NEDD1: variants seen among roughly 807,000 people sequenced by gnomAD.
The protein encoded by NEDD1 is protein NEDD1.
NEDD1 carries 33 observed loss-of-function variants against 74.0 expected under a neutral mutation model. The ratio of observed to expected loss-of-function variants is 0.45; its 90% CI spans 0.34 to 0.60. The LOEUF is 0.60. NEDD1 is among the 20% of genes least tolerant of loss of function. The pLI is 0.01. For synonymous variants in NEDD1, 250 were observed against 264.4 expected (o/e 0.95, Z 0.53); for missense variants, 746 against 776.5 (o/e 0.96, Z 0.47).
chr12:96,930,774 C>G (rs1344785046), intron 6 of NEDD1, among the ~76,000 whole-genome samples: 2 of 152,034 alleles, frequency 1.3e-5, no homozygotes, highest in African/African-American at 4.8e-5. Flanking sequence ...GAGTGTGGGA[C>G]TTTTTAAAGA....
At chr12:96,941,249 A>T (rs1877634615) in intron 10 of NEDD1, among the ~76,000 whole-genome samples, 1 of 152,100 alleles carries the variant, frequency 6.6e-6, no homozygotes, top group Non-Finnish European at 1.5e-5. Flanking sequence ...TGTATTTATT[A>T]TTATAAGTGT....
chr12:96,917,489 A>G (rs920071848), intron 4 of NEDD1, 132 bp from the exon 5 acceptor site: 1 of 1,059,130 alleles, frequency 9.4e-7, no homozygotes, highest in South Asian at 3.6e-5. Context: ...GCTCTTTAGT[A>G]CAAGATTAGC....
intron 6 of NEDD1, among the ~76,000 whole-genome samples, chr12:96,925,998 T>G (rs1288169319): frequency 6.6e-6 from 1 of 152,172 alleles, no homozygotes; most frequent in Non-Finnish European, 1.5e-5. Flanking sequence ...CTTTTCCTTA[T>G]CTTTCAAGTG....
chr12:96,927,902 A>G (rs1250339726), intron 6 of NEDD1, among the ~76,000 whole-genome samples: 1 of 152,108 alleles, frequency 6.6e-6, no homozygotes, highest in Non-Finnish European at 1.5e-5. Flanking sequence ...TTTATGTTAT[A>G]TAGGAGCATT....
At chr12:96,944,901 CAA>C (rs1878047095) in intron 13 of NEDD1, 106 bp downstream of exon 13, 1 of 846,492 alleles carries the variant, frequency 1.2e-6, no homozygotes, top group Non-Finnish European at 1.8e-6. Context: ...TAAAAATGTT[CAA>C]AGAGTTTAAA....
intron 12 of NEDD1, among the ~76,000 whole-genome samples, chr12:96,944,177 G>T (rs979483997): frequency 2.0e-5 from 3 of 151,874 alleles, no homozygotes; most frequent in Non-Finnish European, 4.4e-5. Context: ...TTATGTAAGG[G>T]TTCAAAATGA....
At position 96,912,750 on chromosome 12, in the gene NEDD1, G is replaced by T; in HGVS notation, c.164G>T (p.Ser55Ile). Residue 55 changes from serine to isoleucine, a missense_variant, in exon 4 of 16, where the codon AGT becomes ATT. Coordinates refer to ENST00000266742, the MANE Select transcript of NEDD1 (RefSeq NM_152905.4). ...AACTTTTTAGTAACAGCATCTTCCA[G>T]TGGCGACAAAATAGTTGTCTCAAGT... The part of the protein sequence containing the change: ...NNNFLVTASS[S>I]GDKIVVSSCK... The T allele has an allele frequency of 6.2e-7, 1 of 1,605,814 alleles. No individual in the cohort carries two copies. The highest frequency in any genetic ancestry group is 2.2e-5 in the East Asian group (1 of 44,764).
chr12:96,916,502 G>A lies in NEDD1; in HGVS notation c.232-1119G>A, dbSNP rs948381165. Among the ~76,000 whole-genome samples, 141 of 133,878 alleles carry A rather than the reference G, an allele frequency of 1.1e-3. 1 individual carries two copies. The highest frequency in any genetic ancestry group is 3.8e-3 in the African/African-American group (133 of 35,294). The allele number at this position is 133,878 out of a possible 152,430, so 87.8% of individuals were successfully genotyped here. A position where few individuals can be genotyped will look rare whatever the true frequency, so the allele number is the denominator to read the frequency against. On this transcript the variant is annotated intron_variant, in intron 4 of 15. Coordinates refer to ENST00000266742, the MANE Select transcript of NEDD1 (RefSeq NM_152905.4). ...TTCCCACCTATGAGTGAGAATATGC[G>A]GTGTTTGGTTTTTTGTTCTTGCGAT...
intron 10 of NEDD1, among the ~76,000 whole-genome samples, chr12:96,942,160 A>T (rs1184725791): frequency 6.6e-6 from 1 of 152,138 alleles, no homozygotes; most frequent in African/African-American, 2.4e-5. Context: ...ATTGATCCTC[A>T]AAGCAATTTT....
intron 2 of NEDD1, among the ~76,000 whole-genome samples, chr12:96,909,131 A>T (rs1039563683): frequency 6.0e-5 from 9 of 149,762 alleles, no homozygotes; most frequent in Non-Finnish European, 1.2e-4. Context: ...AGCCGAGATC[A>T]CACCATTGCA....
At chr12:96,924,444 T>C (rs530947787) in intron 6 of NEDD1, among the ~76,000 whole-genome samples, 1 of 152,350 alleles carries the variant, frequency 6.6e-6, no homozygotes, top group African/African-American at 2.4e-5. Context: ...TTCATGAACA[T>C]GGTATAACTA....
chr12:96,930,821 C>T (rs761313226), intron 6 of NEDD1, among the ~76,000 whole-genome samples: 1 of 152,162 alleles, frequency 6.6e-6, no homozygotes, highest in Non-Finnish European at 1.5e-5. Context: ...CATACACATA[C>T]ACACACATAC....
At position 96,916,322 on chromosome 12, in the gene NEDD1, G is replaced by A. The variant is rs1448263818; in HGVS notation, c.232-1299G>A. ...CACATTGTGCAGGTTAGTTACATACGTATACATGTGCCATGCTGGTGCGCT... is the reference window on the plus strand; with the variant it reads ...CACATTGTGCAGGTTAGTTACATACATATACATGTGCCATGCTGGTGCGCT... On this transcript the variant is annotated intron_variant, in intron 4 of 15. Coordinates refer to ENST00000266742, the MANE Select transcript of NEDD1 (RefSeq NM_152905.4). Among the ~76,000 whole-genome samples, 22 of 146,874 alleles carry A rather than the reference G, an allele frequency of 1.5e-4. 1 individual carries two copies. In the South Asian group the frequency reaches 2.2e-3, roughly 15 times the overall value.
chr12:96,911,525 G>A (rs891275030), intron 3 of NEDD1, among the ~76,000 whole-genome samples: 3 of 152,184 alleles, frequency 2.0e-5, no homozygotes, highest in Non-Finnish European at 4.4e-5. Flanking sequence ...GGTCCACATA[G>A]TATAGATTCC....
At chr12:96,909,629 C>A in intron 2 of NEDD1, 123 bp from the exon 3 acceptor site, 1 of 726,404 alleles carries the variant, frequency 1.4e-6, no homozygotes, top group Non-Finnish European at 2.3e-6. Context: ...GCTTTGGTGA[C>A]TGCACTGTTT....
At chr12:96,947,798 T>G (rs1206441771) in intron 14 of NEDD1, among the ~76,000 whole-genome samples, 1 of 152,174 alleles carries the variant, frequency 6.6e-6, no homozygotes, top group Non-Finnish European at 1.5e-5. Context: ...TGTCCCACTT[T>G]CAGCCCTGCA....
chr12:96,907,997 C>T, intron 2 of NEDD1, 141 bp downstream of exon 2: 2 of 473,396 alleles, frequency 4.2e-6, no homozygotes, highest in South Asian at 4.6e-5. Flanking sequence ...AGTGATCTAC[C>T]CACTACACCC....
chr12:96,952,042 GC>G lies in NEDD1; in HGVS notation c.1975del (p.His659ThrfsTer24). The G allele has an allele frequency of 1.3e-6, 2 of 1,589,954 alleles. No homozygotes were observed. Among genetic ancestry groups the G allele is most frequent in the Non-Finnish European group, 1.7e-6 (2 of 1,160,350 alleles). On this transcript the variant is annotated frameshift_variant, in exon 16 of 16. Transcript: ENST00000266742. LOFTEE classifies it high-confidence loss of function. ...RLREENKRLR[A>X]HF is the part of the protein sequence containing the mutation. ...ACGAGAAGAAAACAAAAGATTACGG[GC>G]CCACTTTTGAAATTTCAGTGAATAC...
At position 96,909,888 on chromosome 12, in the gene NEDD1, C is replaced by G; in HGVS notation, c.129C>G (p.Ser43Arg). ...SPHGISSICW[S>R]SNNNFLVTAS... ...ATGGAATCAGCTCAATATGTTGGAGCAGCAATAGTATCCTTTAAAAAAAAA... is the reference window on the plus strand; with the variant it reads ...ATGGAATCAGCTCAATATGTTGGAGGAGCAATAGTATCCTTTAAAAAAAAA... Residue 43 changes from serine (S) to arginine (R), a missense_variant, in exon 3 of 16, where the codon AGC becomes AGG. By Grantham distance (110) the Ser-to-Arg change is moderately radical. Around this residue, in one of 3 missense-constraint regions of NEDD1, gnomAD observed 706 missense variants for 706.7 expected, o/e 1.00. Coordinates refer to ENST00000266742, the MANE Select transcript of NEDD1 (RefSeq NM_152905.4). The G allele has an allele frequency of 6.3e-7, 1 of 1,596,304 alleles. No individual in the cohort carries two copies. The highest frequency in any genetic ancestry group is 8.5e-7 in the Non-Finnish European group (1 of 1,173,156).
Sources: allele counts gnomAD v4.1 joint callset (sites outside exome capture counted in the v4.1 genomes callset), GRCh38; gene constraint gnomAD v4.1.1; regional missense constraint gnomAD v4.1.1; transcripts MANE v1.5; gene names NCBI Gene and HGNC (gene_info 2026-07-23, HGNC 2026-07-21).